ANKS1B: variants seen among roughly 807,000 people sequenced by gnomAD.
ANKS1B encodes ankyrin repeat and sterile alpha motif domain-containing protein 1B.
In ANKS1B, 36 loss-of-function variants were observed where a neutral mutation model predicts 148.3. That is an observed-to-expected ratio of 0.24 (90% CI 0.19 to 0.32). The LOEUF (loss-of-function observed/expected upper bound fraction) is 0.32, where lower values mean the gene tolerates loss of function less well. ANKS1B is among the 10% of genes least tolerant of loss of function. The pLI is 1.00. For missense variants in ANKS1B, 1,157 were observed against 1,542.6 expected, an observed-to-expected ratio of 0.75 and a Z score of 4.19; for synonymous variants, 542 against 560.8, an observed-to-expected ratio of 0.97 and a Z score of 0.47.
At chr12:99,117,980 T>C (rs1392278726) in intron 15 of ANKS1B, among the ~76,000 whole-genome samples, 1 of 152,254 alleles carries the variant, frequency 6.6e-6, no homozygotes, top group Non-Finnish European at 1.5e-5. Flanking sequence ...CTAGTTTATA[T>C]GCATAGAGGT....
At chr12:99,021,887 TAC>T (rs1409099258) in intron 17 of ANKS1B, among the ~76,000 whole-genome samples, 1 of 152,214 alleles carries the variant, frequency 6.6e-6, no homozygotes, top group East Asian at 1.9e-4. Context: ...GGTTTTAATT[TAC>T]AGTTTTCTAA....
intron 1 of ANKS1B, among the ~76,000 whole-genome samples, chr12:99,916,458 C>T (rs147470136): frequency 1.8e-4 from 27 of 152,282 alleles, no homozygotes; most frequent in African/African-American, 6.5e-4. Context: ...ATCTCACCAT[C>T]AGCCCAATGG....
chr12:99,753,820 G>A (rs574875717), intron 8 of ANKS1B, among the ~76,000 whole-genome samples: 50 of 152,016 alleles, frequency 3.3e-4, no homozygotes, highest in South Asian at 2.5e-3. Context: ...TCAGGAGTTC[G>A]AGATCAACCT....
chr12:99,666,448 TTTTC>T (rs776211386), intron 8 of ANKS1B, among the ~76,000 whole-genome samples: 143 of 152,268 alleles, frequency 9.4e-4, no homozygotes, highest in Admixed American at 1.6e-3. Flanking sequence ...AGGTATTAGG[TTTTC>T]TTTAATTTCC....
At chr12:99,894,032 C>A in intron 1 of ANKS1B, among the ~76,000 whole-genome samples, 1 of 151,818 alleles carries the variant, frequency 6.6e-6, no homozygotes, top group African/African-American at 2.4e-5. Context: ...AAAATGAAGG[C>A]TGAAAAGTGA....
At chr12:98,806,587 C>T (rs2099052662) in intron 20 of ANKS1B, among the ~76,000 whole-genome samples, 1 of 152,170 alleles carries the variant, frequency 6.6e-6, no homozygotes, top group African/African-American at 2.4e-5. Context: ...ATCTCTAAGG[C>T]TTTGAAGAAT....
chr12:99,294,569 G>A (rs1478147406), intron 12 of ANKS1B, among the ~76,000 whole-genome samples: 6 of 152,058 alleles, frequency 3.9e-5, no homozygotes, highest in Admixed American at 1.3e-4. Context: ...GATGGTTAGC[G>A]GATACAAAAA....
intron 12 of ANKS1B, among the ~76,000 whole-genome samples, chr12:99,272,603 T>C (rs1022826068): frequency 2.6e-5 from 4 of 152,156 alleles, no homozygotes; most frequent in Non-Finnish European, 5.9e-5. Context: ...CCCCAAAATA[T>C]GTACAGCTAT....
Position 99,378,546 on chromosome 12 carries a change from C to G in ANKS1B, c.1756+21085G>C, listed in dbSNP as rs1206219684. ...GACATGCACCTGTAGTCTCAGCTAC[C>G]CAGGAGGCTGAGGCAGGAGAATTGC... On this transcript the variant is annotated intron_variant, in intron 12 of 26. Transcript: ENST00000683438. 4.6e-5 allele frequency among the ~76,000 whole-genome samples: 7 copies of G among 150,792 alleles called. No individual in the cohort carries two copies. In the East Asian group the frequency reaches 1.4e-3, roughly 29 times the overall value.
chr12:99,161,179 A>AT lies in ANKS1B; in HGVS notation c.2420-6785dup, dbSNP rs577967447. On this transcript the variant is annotated intron_variant, in intron 14 of 26. Coordinates refer to ENST00000683438, the MANE Select transcript of ANKS1B (RefSeq NM_001352186.2). ...ATCCATGAGCACAGAATGTTTTTCC[A>AT]TTTTTTTGTGAAACTGAGGTTATTT... Among the ~76,000 whole-genome samples the AT allele has an allele frequency of 2.0e-4, 31 of 152,244 alleles. 1 individual carries two copies. In the South Asian group the frequency reaches 5.6e-3, roughly 27 times the overall value.
intron 9 of ANKS1B, among the ~76,000 whole-genome samples, chr12:99,553,190 G>A (rs1288956622): frequency 6.6e-6 from 1 of 152,100 alleles, no homozygotes; most frequent in Non-Finnish European, 1.5e-5. Flanking sequence ...CTAGCTAAAC[G>A]AAGTATACTA....
intron 10 of ANKS1B, among the ~76,000 whole-genome samples, chr12:99,464,651 G>A (rs2096063729): frequency 6.6e-6 from 1 of 152,206 alleles, no homozygotes; most frequent in Non-Finnish European, 1.5e-5. Flanking sequence ...GAATGCAGAA[G>A]CCTCAGGAGC....
At chr12:98,794,966 C>T in intron 22 of ANKS1B, 1 of 1,110,408 alleles carries the variant, frequency 9.0e-7, no homozygotes, top group Non-Finnish European at 1.4e-6. Flanking sequence ...GAAGATGCTT[C>T]TTAAAAATCT....
intron 9 of ANKS1B, among the ~76,000 whole-genome samples, chr12:99,577,179 T>A (rs1319553643): frequency 6.6e-6 from 1 of 151,512 alleles, no homozygotes; most frequent in Non-Finnish European, 1.5e-5. Flanking sequence ...TTTCTCTGAG[T>A]TTTTTTTACC....
chr12:99,654,264 G>T (rs966392134), intron 9 of ANKS1B, among the ~76,000 whole-genome samples: 1 of 152,070 alleles, frequency 6.6e-6, no homozygotes, highest in Non-Finnish European at 1.5e-5. Flanking sequence ...CGTATTTGTC[G>T]TGACAGAAGG....
At chr12:99,670,248 C>A (rs1352259828) in intron 8 of ANKS1B, among the ~76,000 whole-genome samples, 1 of 152,130 alleles carries the variant, frequency 6.6e-6, no homozygotes, top group Non-Finnish European at 1.5e-5. Flanking sequence ...CTGTTAACTG[C>A]ACATTTATCA....
intron 12 of ANKS1B, among the ~76,000 whole-genome samples, chr12:99,343,336 T>G (rs998135439): frequency 2.6e-5 from 4 of 152,098 alleles, no homozygotes; most frequent in African/African-American, 9.7e-5. Context: ...TTTATTTCTC[T>G]ATTATTTGAA....
chr12:99,239,454 A>C (rs1394582584), intron 14 of ANKS1B, among the ~76,000 whole-genome samples: 1 of 152,246 alleles, frequency 6.6e-6, no homozygotes, highest in Non-Finnish European at 1.5e-5. Context: ...GGTGTACCAG[A>C]AAGTGACAGG....
intron 17 of ANKS1B, among the ~76,000 whole-genome samples, chr12:98,907,755 A>C (rs762360134): frequency 4.6e-5 from 7 of 152,040 alleles, no homozygotes; most frequent in Non-Finnish European, 1.0e-4. Context: ...TGTGGGAGGG[A>C]CCCAGTGGGA....
Sources: allele counts gnomAD v4.1 joint callset (sites outside exome capture counted in the v4.1 genomes callset), GRCh38; gene constraint gnomAD v4.1.1; transcripts MANE v1.5; gene names NCBI Gene and HGNC (gene_info 2026-07-23, HGNC 2026-07-21).